Variants in WDR44 observed in about 807,000 individuals in gnomAD.
WDR44 encodes the protein WD repeat-containing protein 44.
In WDR44, 9 loss-of-function variants were observed where a neutral mutation model predicts 65.7. The observed-to-expected ratio is 0.14, with a 90% CI of 0.08 to 0.24. The LOEUF is 0.24. Ranked by LOEUF, WDR44 falls within the 10% of genes least tolerant of loss-of-function variation. The pLI is 1.00. For synonymous variants in WDR44, 220 were observed against 235.2 expected (o/e 0.94, Z 0.59); for missense variants, 425 against 670.9 (o/e 0.63, Z 4.05).
In WDR44 at chrX:118,432,640, C is replaced by A. The variant is rs1814115948; in HGVS notation, c.1738-141C>A. ...AAGGAAGAGGTGCTAAGTAGTAAAT[C>A]AGCATAAAGGGGAGCTTGCTTTTGG... On this transcript the variant is annotated intron_variant, in intron 12 of 19. Transcript: ENST00000254029. 3 of 526,686 alleles carry A rather than the reference C, an allele frequency of 5.7e-6. No individual in the cohort carries two copies. The African/African-American group carries it at 6.9e-5, about 12-fold the overall frequency. The allele number at this position is 526,686 out of a possible 1,213,427, so 43.4% of individuals were successfully genotyped here. A position where few individuals can be genotyped will look rare whatever the true frequency, so the allele number is the denominator to read the frequency against.
rs1185809806 is a variant in WDR44, at chrX:118,375,383, C to G, written c.78-3036C>G. Among the ~76,000 whole-genome samples, 3 of 108,203 alleles carry G rather than the reference C, an allele frequency of 2.8e-5. No homozygotes were observed. The Admixed American group carries it at 3.0e-4, about 11-fold the overall frequency. 94.0% of individuals were successfully genotyped at this position (108,203 alleles called of 115,157 possible). On this transcript the variant is annotated intron_variant, in intron 1 of 19. Coordinates refer to ENST00000254029, the MANE Select transcript of WDR44 (RefSeq NM_019045.5). The stretch of plus-strand genomic sequence containing the variant: ...TTTTGTACCACATGGAAATTTGTGC[C>G]CCTTAAAGGTTTTTCAGGCTAGGTG...
chrX:118,364,544 C>T lies in WDR44; in HGVS notation c.78-13875C>T, dbSNP rs764439755. Among the ~76,000 whole-genome samples, 171 of 112,224 alleles carry T rather than the reference C, an allele frequency of 1.5e-3. 1 individual carries two copies. The highest frequency in any genetic ancestry group is 2.6e-3 in the Non-Finnish European group (139 of 53,247). ...ACCTTTCTGTGGGCAAGGGCTGGAT[C>T]TTTCTCACCCTTTGTATTTCAATGC... On this transcript the variant is annotated intron_variant, in intron 1 of 19. Coordinates refer to ENST00000254029, the MANE Select transcript of WDR44 (RefSeq NM_019045.5).
At chrX:118,386,245 T>C (rs944176802) in intron 2 of WDR44, 4 of 255,333 alleles carry the variant, frequency 1.6e-5, no homozygotes, top group East Asian at 2.4e-4. Flanking sequence ...TGGTTTTTTT[T>C]CCTCAGTATC....
intron 1 of WDR44, among the ~76,000 whole-genome samples, chrX:118,354,213 T>G (rs1236834384): frequency 9.0e-6 from 1 of 111,067 alleles, no homozygotes; most frequent in East Asian, 2.8e-4. Flanking sequence ...GCCAGGAGTT[T>G]GAGACCAGCC....
chrX:118,348,577 A>G (rs2056374178), intron 1 of WDR44, among the ~76,000 whole-genome samples: 1 of 112,046 alleles, frequency 8.9e-6, no homozygotes, highest in Admixed American at 9.5e-5. Context: ...AAGACAATAG[A>G]CTAATCTGGA....
intron 1 of WDR44, among the ~76,000 whole-genome samples, chrX:118,371,527 AATTAGT>A (rs1486554310): frequency 8.9e-6 from 1 of 111,875 alleles, no homozygotes; most frequent in Non-Finnish European, 1.9e-5. Context: ...CCATATTTGT[AATTAGT>A]ATTAATATGT....
chrX:118,391,709 C>T (rs929759813), intron 3 of WDR44, among the ~76,000 whole-genome samples: 8 of 112,125 alleles, frequency 7.1e-5, no homozygotes, highest in East Asian at 5.6e-4. Context: ...GGGGGCCAGG[C>T]GCAGTGGCTC....
intron 18 of WDR44, 96 bp downstream of exon 18, chrX:118,443,783 G>A (rs2057322456): frequency 1.6e-5 from 15 of 939,479 alleles, no homozygotes; most frequent in East Asian, 3.4e-5. Context: ...AGTGGCTCAC[G>A]CCTGTAATCC....
chrX:118,375,462 G>A lies in WDR44; in HGVS notation c.78-2957G>A, dbSNP rs1366149187. ...TTTGGGAGGCTGAGGTGGGAGGATCGCTTGAAGCTAGGAGTTCAAGACCAG... is the reference window on the plus strand; with the variant it reads ...TTTGGGAGGCTGAGGTGGGAGGATCACTTGAAGCTAGGAGTTCAAGACCAG... On this transcript the variant is annotated intron_variant, in intron 1 of 19. Coordinates refer to ENST00000254029, the MANE Select transcript of WDR44 (RefSeq NM_019045.5). Among the ~76,000 whole-genome samples, 4 of 104,881 alleles carry A rather than the reference G, an allele frequency of 3.8e-5. No homozygotes were observed. The East Asian group carries it at 8.8e-4, about 23-fold the overall frequency. 91.1% of individuals were successfully genotyped at this position (104,881 alleles called of 115,157 possible).
At position 118,442,609 on chromosome X, in the gene WDR44, G is replaced by A. The variant is rs142718203; in HGVS notation, c.2313G>A (p.Leu771=). 2.7e-5 allele frequency: 33 copies of A among 1,211,278 alleles called. No homozygotes were observed. Among genetic ancestry groups the A allele is most frequent in the Non-Finnish European group, 3.6e-5 (32 of 895,217 alleles). ...ACTCCAGAATCAGACTATATGATTT[G>A]AGAGATTTGTCACTATCCATGAAGT... The part of the protein sequence containing the change: ...SNDSRIRLYD[L]RDLSLSMKYK... Residue 771 remains leucine, a synonymous_variant, in exon 17 of 20, where the codon TTG becomes TTA. Coordinates refer to ENST00000254029, the MANE Select transcript of WDR44 (RefSeq NM_019045.5).
chrX:118,415,761 C>T (rs746771721), intron 12 of WDR44, among the ~76,000 whole-genome samples: 3 of 112,129 alleles, frequency 2.7e-5, no homozygotes, highest in Non-Finnish European at 3.8e-5. Flanking sequence ...GCCTCGGCCT[C>T]CCAAAGTGCT....
At chrX:118,442,424 G>A (rs2057311335) in intron 16 of WDR44, 79 bp downstream of exon 16, 20 of 984,501 alleles carry the variant, frequency 2.0e-5, no homozygotes, top group East Asian at 3.1e-5. Flanking sequence ...GCAAAAAAAT[G>A]TATTCTCTTT....
At chrX:118,372,721 A>C (rs2056624265) in intron 1 of WDR44, among the ~76,000 whole-genome samples, 1 of 112,223 alleles carries the variant, frequency 8.9e-6, no homozygotes, top group African/African-American at 3.2e-5. Flanking sequence ...AGCTCAATGC[A>C]GATTAGAAGC....
At chrX:118,353,808 G>C (rs1569354869) in intron 1 of WDR44, among the ~76,000 whole-genome samples, 1 of 111,991 alleles carries the variant, frequency 8.9e-6, no homozygotes, top group Non-Finnish European at 1.9e-5. Context: ...TAGCTAAAAT[G>C]ACTTAAAAGC....
Position 118,447,887 on chromosome X carries a change from TA to T in WDR44, c.2648-1005del, listed in dbSNP as rs1373638250. On this transcript the variant is annotated intron_variant, in intron 19 of 19. Coordinates refer to ENST00000254029, the MANE Select transcript of WDR44 (RefSeq NM_019045.5). ...AGACTCTATCTAAAATATATATATA[TA>T]TATATATATATATATATATATATAT... Among the ~76,000 whole-genome samples the T allele has an allele frequency of 3.5e-4, 21 of 59,636 alleles. No individual in the cohort carries two copies. In the South Asian group the frequency reaches 0.012, roughly 33 times the overall value. The allele number at this position is 59,636 out of a possible 115,157, so 51.8% of individuals were successfully genotyped here.
chrX:118,417,998 T>G (rs4825379), intron 12 of WDR44, among the ~76,000 whole-genome samples: 29,342 of 110,883 alleles, frequency 0.26, 3,177 homozygotes, highest in African/African-American at 0.39. Context: ...AGAGCATTTT[T>G]CATTTCTATA....
chrX:118,443,473 C>T, intron 17 of WDR44, 87 bp from the exon 18 acceptor site: 1 of 1,069,728 alleles, frequency 9.3e-7, no homozygotes. Flanking sequence ...TTTTAGGTAT[C>T]ACAAAGTAGG....
chrX:118,392,621 C>G lies in WDR44; in HGVS notation c.187-11C>G. ...TTCATTTTTAAAAACTACTTTTAACCCTTTCATCAGATTATTGAAAGTATT... is the reference window on the plus strand; with the variant it reads ...TTCATTTTTAAAAACTACTTTTAACGCTTTCATCAGATTATTGAAAGTATT... On this transcript the variant is annotated splice_polypyrimidine_tract_variant and intron_variant, in intron 3 of 19. Transcript: ENST00000254029. 1 of 1,172,073 alleles carries G rather than the reference C, an allele frequency of 8.5e-7. No individual in the cohort carries two copies. Among genetic ancestry groups the G allele is most frequent in the Non-Finnish European group, 1.1e-6 (1 of 873,760 alleles).
chrX:118,413,713 T>G (rs1254635390), intron 12 of WDR44, among the ~76,000 whole-genome samples: 1 of 112,181 alleles, frequency 8.9e-6, no homozygotes, highest in East Asian at 2.8e-4. Context: ...TATTTATTTT[T>G]ATTGCATTTG....
Sources: allele counts gnomAD v4.1 joint callset (sites outside exome capture counted in the v4.1 genomes callset), GRCh38; gene constraint gnomAD v4.1.1; transcripts MANE v1.5; gene names NCBI Gene and HGNC (gene_info 2026-07-23, HGNC 2026-07-21).